The following MORN4 variants were observed in gnomAD, a reference collection of about 807,000 sequenced individuals.
MORN4 encodes MORN repeat containing 4, also known as MORN repeat-containing protein 4.
A neutral mutation model predicts 16.4 loss-of-function variants in MORN4; 8 were observed. The observed-to-expected ratio is 0.49, with a 90% CI of 0.29 to 0.88. The LOEUF (loss-of-function observed/expected upper bound fraction) is 0.88, where lower values mean the gene tolerates loss of function less well. Ranked by LOEUF, MORN4 falls within the 40% of genes least tolerant of loss-of-function variation. MORN4 has a pLI of 0.09. For missense variants in MORN4, 159 were observed against 182.9 expected, an observed-to-expected ratio of 0.87 and a Z score of 0.75; for synonymous variants, 53 against 68.9, an observed-to-expected ratio of 0.77 and a Z score of 1.14.
intron 1 of MORN4, among the ~76,000 whole-genome samples, chr10:97,621,247 C>G (rs1328747437): frequency 6.6e-6 from 1 of 152,222 alleles, no homozygotes; most frequent in Non-Finnish European, 1.5e-5. Context: ...ACAGCCTCCC[C>G]TGACTATGCT....
chr10:97,630,260 G>A lies in MORN4; in HGVS notation c.-31+3087C>T, dbSNP rs541252315. ...TTTTTTGTATTTTTAGTAGAGATGA[G>A]GTTTCACTGTGTTAGCCAGGATGGT... On this transcript the variant is annotated intron_variant, in intron 1 of 4. Coordinates refer to ENST00000307450, the MANE Select transcript of MORN4 (RefSeq NM_178832.4). Among the ~76,000 whole-genome samples, 54 of 152,168 alleles carry A rather than the reference G, an allele frequency of 3.5e-4. 1 individual carries two copies. The highest frequency in any genetic ancestry group is 1.2e-3 in the African/African-American group (51 of 41,510).
In MORN4 at chr10:97,631,876, G is replaced by A. The variant is rs150329161; in HGVS notation, c.-31+1471C>T. On this transcript the variant is annotated intron_variant, in intron 1 of 4. Coordinates refer to ENST00000307450, the MANE Select transcript of MORN4 (RefSeq NM_178832.4). ...CTTGAGCCCACAATTTGAGGCTGCC[G>A]GGGTGAGCAGTGACTGCACCACACC... is the stretch of plus-strand genomic sequence containing the variant. Among the ~76,000 whole-genome samples, 525 of 152,172 alleles carry A rather than the reference G, an allele frequency of 3.5e-3. 7 individuals are homozygous for A. The highest frequency in any genetic ancestry group is 0.012 in the African/African-American group (501 of 41,516).
Position 97,633,334 on chromosome 10 carries a change from G to T in MORN4, c.-31+13C>A, listed in dbSNP as rs896681647. On this transcript the variant is annotated intron_variant, in intron 1 of 4. Transcript: ENST00000307450. This position sits in a 1 kb window ranked among gnomAD's most constrained non-coding sequence, Gnocchi z 4.5. The stretch of plus-strand genomic sequence containing the variant: ...TCTTTCCCGGCCCCCTCCCTCCTGC[G>T]CCTCCAGCCAACCTGGGGCCGGCCT... 7.8e-7 allele frequency: 1 copy of T among 1,289,286 alleles called. No individual in the cohort carries two copies. Among genetic ancestry groups the T allele is most frequent in the Admixed American group, 2.3e-5 (1 of 43,542 alleles). 79.9% of individuals were successfully genotyped at this position (1,289,286 alleles called of 1,614,324 possible).
Position 97,633,374 on chromosome 10 carries a change from C to T in MORN4, c.-58G>A. The T allele has an allele frequency of 7.8e-7, 1 of 1,289,902 alleles. No individual in the cohort carries two copies. The highest frequency in any genetic ancestry group is 1.0e-6 in the Non-Finnish European group (1 of 988,912). The allele number at this position is 1,289,902 out of a possible 1,614,324, so 79.9% of individuals were successfully genotyped here. A position where few individuals can be genotyped will look rare whatever the true frequency, so the allele number is the denominator to read the frequency against. The stretch of plus-strand genomic sequence containing the variant: ...GGGGCCGGCCTTTCGGGATGACCGT[C>T]ACGCCTGGACGCAGGGTTCCAGCGC... On this transcript the variant is annotated 5_prime_UTR_variant, in exon 1 of 5. Coordinates refer to ENST00000307450, the MANE Select transcript of MORN4 (RefSeq NM_178832.4). This position sits in a 1 kb window ranked among gnomAD's most constrained non-coding sequence, Gnocchi z 4.5.
intron 1 of MORN4, among the ~76,000 whole-genome samples, chr10:97,631,822 C>T (rs1266690674): frequency 2.0e-5 from 3 of 152,144 alleles, no homozygotes; most frequent in Non-Finnish European, 4.4e-5. Context: ...GTAGTCCCAG[C>T]TACTCAGGAG....
Position 97,616,240 on chromosome 10 carries a change from A to G in MORN4, c.*23T>C. The G allele has an allele frequency of 1.3e-6, 2 of 1,548,134 alleles. No individual in the cohort carries two copies. The highest frequency in any genetic ancestry group is 1.8e-4 in the Middle Eastern group (1 of 5,410). On this transcript the variant is annotated 3_prime_UTR_variant, in exon 5 of 5. Coordinates refer to ENST00000307450, the MANE Select transcript of MORN4 (RefSeq NM_178832.4). ...GGGGCACTGGCTTTACCCAATACTTATCAGCTGGTGCCCACTGCGCTGTCA... is the reference window on the plus strand; with the variant it reads ...GGGGCACTGGCTTTACCCAATACTTGTCAGCTGGTGCCCACTGCGCTGTCA...
rs558291577 is a variant in MORN4 at position 97,617,275 on chromosome 10, A to G, written c.115T>C (p.Tyr39His). Residue 39 changes from tyrosine to histidine, a missense_variant, in exon 3 of 5, where the codon TAC becomes CAC. Transcript: ENST00000307450. ...AGCCCATTCTCAAAATGACCCAGGT[A>G]GGTGCCACCATCTGCAAACATCAGT... Reference protein sequence around the residue: ...GQLMFADGGTYLGHFENGLFN... With the variant: ...GQLMFADGGTHLGHFENGLFN... 113 of 1,614,104 alleles carry G rather than the reference A, an allele frequency of 7.0e-5. No individual in the cohort carries two copies. Among genetic ancestry groups the G allele is most frequent in the Admixed American group, 1.8e-4 (11 of 59,994 alleles).
intron 1 of MORN4, among the ~76,000 whole-genome samples, chr10:97,627,435 G>A (rs1052396750): frequency 2.0e-5 from 3 of 152,106 alleles, no homozygotes; most frequent in Non-Finnish European, 4.4e-5. Flanking sequence ...GAGCTACCGC[G>A]CCCAGCCAGA....
At chr10:97,629,827 C>T (rs113688676) in intron 1 of MORN4, among the ~76,000 whole-genome samples, 9,215 of 151,456 alleles carry the variant, frequency 0.061, 748 homozygotes, top group African/African-American at 0.18. Context: ...GGTGTGATCT[C>T]GGCTCACTGC....
chr10:97,625,475 G>T (rs1456234331), intron 1 of MORN4, among the ~76,000 whole-genome samples: 1 of 152,138 alleles, frequency 6.6e-6, no homozygotes, highest in Admixed American at 6.6e-5. Flanking sequence ...TGACACACAC[G>T]TAAGTACCTA....
In MORN4 at chr10:97,616,128, T is replaced by G. The variant is rs1589916579; in HGVS notation, c.*135A>C. The G allele has an allele frequency of 6.0e-5, 52 of 863,708 alleles. No individual in the cohort carries two copies. The highest frequency in any genetic ancestry group is 1.4e-4 in the East Asian group (5 of 35,882). 53.5% of individuals were successfully genotyped at this position (863,708 alleles called of 1,614,324 possible). ...TGTGGTCCAGTTCTGGAATGGCAGG[T>G]GACAGGGCACATACAAGGCCTCTGC... On this transcript the variant is annotated 3_prime_UTR_variant, in exon 5 of 5. Transcript: ENST00000307450.
At chr10:97,631,606 A>G (rs961565119) in intron 1 of MORN4, among the ~76,000 whole-genome samples, 1 of 151,910 alleles carries the variant, frequency 6.6e-6, no homozygotes, top group African/African-American at 2.4e-5. Context: ...ACTGTGTCCA[A>G]TTTAAGAGGA....
intron 1 of MORN4, among the ~76,000 whole-genome samples, chr10:97,623,652 C>A (rs2041323547): frequency 6.6e-6 from 1 of 152,096 alleles, no homozygotes; most frequent in East Asian, 1.9e-4. Context: ...AAGAGATCCT[C>A]CAATCCCCTC....
intron 2 of MORN4, among the ~76,000 whole-genome samples, chr10:97,618,351 G>A (rs1335260924): frequency 7.7e-6 from 1 of 130,678 alleles, no homozygotes; most frequent in African/African-American, 2.9e-5. Context: ...TGTAACCTCC[G>A]CCTCCTGGTT....
intron 1 of MORN4, among the ~76,000 whole-genome samples, chr10:97,627,389 C>T (rs573619644): frequency 1.3e-5 from 2 of 152,226 alleles, no homozygotes; most frequent in Non-Finnish European, 2.9e-5. Flanking sequence ...TGTGATCTGC[C>T]CACCTCGGCC....
At chr10:97,627,414 A>AT (rs1403750849) in intron 1 of MORN4, among the ~76,000 whole-genome samples, 2 of 152,184 alleles carry the variant, frequency 1.3e-5, no homozygotes, top group African/African-American at 2.4e-5. Context: ...AAAGTGCTAG[A>AT]TTACAGGCGT....
At position 97,627,848 on chromosome 10, in the gene MORN4, A is replaced by G. The variant is rs2041361667; in HGVS notation, c.-31+5499T>C. Among the ~76,000 whole-genome samples, 3 of 152,272 alleles carry G rather than the reference A, an allele frequency of 2.0e-5. No individual in the cohort carries two copies. In the South Asian group the frequency reaches 6.2e-4, roughly 32 times the overall value. ...ACGTGATGCTGGTACTTGCCATGTC[A>G]TCTCTGTCCTATCAATGTCCCACAA... On this transcript the variant is annotated intron_variant, in intron 1 of 4. Transcript: ENST00000307450.
chr10:97,627,604 AAAT>A (rs963905523), intron 1 of MORN4, among the ~76,000 whole-genome samples: 8 of 152,268 alleles, frequency 5.3e-5, no homozygotes, highest in Admixed American at 5.2e-4. Flanking sequence ...GCTCTCACCC[AAAT>A]AAGAGAAAAG....
At chr10:97,628,568 G>A (rs2041368851) in intron 1 of MORN4, among the ~76,000 whole-genome samples, 1 of 148,814 alleles carries the variant, frequency 6.7e-6, no homozygotes, top group Admixed American at 6.7e-5. Flanking sequence ...CAGTCTCACT[G>A]TGTCACACAG....
Sources: gnomAD v4.1 joint callset for allele counts (sites outside exome capture counted in the v4.1 genomes callset) on GRCh38, gnomAD v4.1.1 for gene constraint, Gnocchi (gnomAD v3.1) non-coding constraint, MANE v1.5 for transcripts, NCBI Gene and HGNC (gene_info 2026-07-23, HGNC 2026-07-21) for gene names.